Variants in LRRC66 observed in about 807,000 individuals in gnomAD.
LRRC66 encodes leucine-rich repeat-containing protein 66.
Under a neutral mutation model 24.6 loss-of-function variants are expected in LRRC66, and 29 were observed. The observed-to-expected ratio is 1.18, with a 90% CI of 0.88 to 1.61. LRRC66 has a LOEUF of 1.61. Among genes scored for constraint, LRRC66 ranks in the 40% most tolerant of loss-of-function variants. The pLI, the probability that LRRC66 is intolerant of heterozygous loss-of-function variation, is 0.00. For synonymous variants in LRRC66, 411 were observed against 397.6 expected (o/e 1.03, Z -0.40); for missense variants, 1,124 against 1,058.0 (o/e 1.06, Z -0.87).
Position 51,995,966 on chromosome 4 carries a change from C to T in LRRC66, c.1056G>A (p.Leu352=). 6.2e-7 allele frequency: 1 copy of T among 1,614,034 alleles called. No homozygotes were observed. The highest frequency in any genetic ancestry group is 2.2e-5 in the East Asian group (1 of 44,826). Residue 352 remains leucine (L), a synonymous_variant, in exon 5 of 5, where the codon CTG becomes CTA. Transcript: ENST00000682860. ...CGCGGGTGCTTCTAACACTCCTTGG[C>T]AGCCGTCTCTGCTTCTTCCTGAGAC... The part of the protein sequence containing the change: ...GSGLRKKQRR[L]PRSVRSTRDV...
At position 51,994,933 on chromosome 4, in the gene LRRC66, A is replaced by C. The variant is rs2110189497; in HGVS notation, c.2089T>G (p.Cys697Gly). The stretch of plus-strand genomic sequence containing the variant: ...GAGTCACAGTCACTCTCCAACTCAC[A>C]GCAAGTGTCAGAAGGAGTGGATTTC... ...VQKSTPSDTC[C>G]ELESDCDSDE... Residue 697 changes from cysteine to glycine, a missense_variant, in exon 5 of 5, where the codon TGT becomes GGT. Cys to Gly is a radical substitution (Grantham distance 159, BLOSUM62 -3). Transcript: ENST00000682860. 6.2e-7 allele frequency: 1 copy of C among 1,614,204 alleles called. No individual in the cohort carries two copies.
chr4:52,008,086 A>G (rs1440719556), intron 2 of LRRC66, among the ~76,000 whole-genome samples: 1 of 152,078 alleles, frequency 6.6e-6, no homozygotes, highest in Non-Finnish European at 1.5e-5. Context: ...TTTTGTAAGT[A>G]CTGACACTAT....
chr4:52,001,312 A>G lies in LRRC66; in HGVS notation c.666+1911T>C, dbSNP rs191003030. On this transcript the variant is annotated intron_variant, in intron 3 of 4. Transcript: ENST00000682860. ...ATATTTTAGCAAAACTGACAGGATT[A>G]ACAGAAGTCGGCTCCAGGCAAAGGA... Among the ~76,000 whole-genome samples, 3 of 152,338 alleles carry G rather than the reference A, an allele frequency of 2.0e-5. No individual in the cohort carries two copies. The East Asian group carries it at 5.8e-4, about 29-fold the overall frequency.
chr4:52,003,461 GAA>G, intron 2 of LRRC66, 69 bp from the exon 3 acceptor site: 1 of 1,360,476 alleles, frequency 7.4e-7, no homozygotes, highest in Non-Finnish European at 1.0e-6. Context: ...TTGTAATGGT[GAA>G]AAATTGGAGA....
intron 2 of LRRC66, among the ~76,000 whole-genome samples, chr4:52,011,576 T>C (rs1182103872): frequency 3.9e-5 from 6 of 152,080 alleles, no homozygotes; most frequent in African/African-American, 9.7e-5. Flanking sequence ...GTGCCTGAAA[T>C]CAAGGAAGTT....
At chr4:52,015,228 T>C (rs1282138809) in intron 2 of LRRC66, among the ~76,000 whole-genome samples, 4 of 152,156 alleles carry the variant, frequency 2.6e-5, no homozygotes, top group African/African-American at 9.7e-5. Flanking sequence ...GGAAGGCATA[T>C]GGCAAGGCAG....
intron 2 of LRRC66, among the ~76,000 whole-genome samples, chr4:52,013,827 T>C (rs1202982485): frequency 3.3e-5 from 5 of 152,260 alleles, no homozygotes; most frequent in African/African-American, 9.6e-5. Flanking sequence ...GGTTGCTTGA[T>C]TGTTGCTTTC....
intron 2 of LRRC66, among the ~76,000 whole-genome samples, chr4:52,014,310 T>C (rs1736764646): frequency 6.6e-6 from 1 of 152,228 alleles, no homozygotes; most frequent in Non-Finnish European, 1.5e-5. Context: ...TATTTGTTTC[T>C]AAATATACTG....
At chr4:52,014,883 T>C (rs983064226) in intron 2 of LRRC66, among the ~76,000 whole-genome samples, 9 of 152,246 alleles carry the variant, frequency 5.9e-5, no homozygotes, top group Non-Finnish European at 1.5e-5. Context: ...GAATTTCAGA[T>C]ACAGAATTTG....
intron 1 of LRRC66, chr4:52,018,539 A>T (rs1206538052): frequency 2.9e-5 from 29 of 985,326 alleles, no homozygotes; most frequent in Non-Finnish European, 3.5e-5. Flanking sequence ...TGCAGTCTGA[A>T]ATACTAAAAT....
intron 2 of LRRC66, among the ~76,000 whole-genome samples, chr4:52,009,905 C>G (rs1287249981): frequency 6.6e-6 from 1 of 152,054 alleles, no homozygotes; most frequent in African/African-American, 2.4e-5. Context: ...AATAATAACC[C>G]AATATTCCTC....
At chr4:52,007,242 A>G (rs1051229624) in intron 2 of LRRC66, among the ~76,000 whole-genome samples, 2 of 152,320 alleles carry the variant, frequency 1.3e-5, no homozygotes, top group African/African-American at 4.8e-5. Context: ...GCAATGGCAC[A>G]ATCATAGCTC....
At chr4:52,011,926 T>C (rs1288940799) in intron 2 of LRRC66, among the ~76,000 whole-genome samples, 1 of 152,208 alleles carries the variant, frequency 6.6e-6, no homozygotes, top group Non-Finnish European at 1.5e-5. Flanking sequence ...GACTGATGCC[T>C]GTAATCCCAG....
At chr4:52,001,346 T>C (rs912605254) in intron 3 of LRRC66, among the ~76,000 whole-genome samples, 1 of 151,814 alleles carries the variant, frequency 6.6e-6, no homozygotes, top group African/African-American at 2.4e-5. Context: ...GATGAGCAAG[T>C]GGGGAGGACT....
Position 51,997,918 on chromosome 4 carries a change from T to C in LRRC66, c.686A>G (p.Asn229Ser), listed in dbSNP as rs779114903. The change falls in exon 4 of 5, where the codon AAT (asparagine) becomes AGT (serine). Residue 229 changes from asparagine to serine, a missense_variant. Transcript: ENST00000682860. ...CATTGGTAGGATGGTAATCAGAGCA[T>C]TGTTGCTAAGGTCTATGACCTGTTT... ...KKLQVIDLSNNALITILPMMI... is the reference protein window; with the variant it reads ...KKLQVIDLSNSALITILPMMI... 18 of 1,613,960 alleles carry C rather than the reference T, an allele frequency of 1.1e-5. No individual in the cohort carries two copies. The highest frequency in any genetic ancestry group is 2.7e-5 in the African/African-American group (2 of 74,936).
Position 51,994,828 on chromosome 4 carries a change from C to A in LRRC66, c.2194G>T (p.Glu732Ter). The change falls in exon 5 of 5, where the codon GAG (glutamate) becomes TAG (stop). Residue 732 changes from glutamate (E) to a stop codon, truncating the protein, a stop_gained. Coordinates refer to ENST00000682860, the MANE Select transcript of LRRC66 (RefSeq NM_001024611.3). LOFTEE classifies it low-confidence loss of function (END_TRUNC). The stretch of plus-strand genomic sequence containing the variant: ...GAGCTCTCGTCCTGCAGGGACTCCT[C>A]ATCAGGCACTGCCTCTTCAGTCTTG... Reference protein sequence around the residue: ...RSKTEEAVPDEESLQDESSGA... With the variant: ...RSKTEEAVPD 1.2e-6 allele frequency: 2 copies of A among 1,614,248 alleles called. No individual in the cohort carries two copies. Among genetic ancestry groups the A allele is most frequent in the Non-Finnish European group, 1.7e-6 (2 of 1,180,042 alleles).
rs747530792 is a variant in LRRC66, at chr4:51,995,578, G to T, written c.1444C>A (p.Pro482Thr). Reference protein sequence around the residue: ...DRTLGRSRKDPGSSQSPGQCG... With the variant: ...DRTLGRSRKDTGSSQSPGQCG... Reference sequence around the variant, plus strand: ...TGTCCTGGGCTCTGCGAACTGCCAGGATCCTTTCTGCTCCTTCCCAGAGTT... The same window carrying T: ...TGTCCTGGGCTCTGCGAACTGCCAGTATCCTTTCTGCTCCTTCCCAGAGTT... The change falls in exon 5 of 5, where the codon CCT (proline) becomes ACT (threonine). Residue 482 changes from proline to threonine, a missense_variant. Coordinates refer to ENST00000682860, the MANE Select transcript of LRRC66 (RefSeq NM_001024611.3). 7.4e-6 allele frequency: 12 copies of T among 1,614,032 alleles called. No individual in the cohort carries two copies. The South Asian group carries it at 1.3e-4, about 18-fold the overall frequency.
rs2110188247 is a variant in LRRC66, at chr4:51,993,760, C to T, written c.*619G>A. ...CAGAACTTTTCCAATTTTGCAGTTT[C>T]ACGATCAGCCTCCAAAAAGTTGTGC... On this transcript the variant is annotated 3_prime_UTR_variant, in exon 5 of 5. Coordinates refer to ENST00000682860, the MANE Select transcript of LRRC66 (RefSeq NM_001024611.3). 1 of 152,286 alleles carries T rather than the reference C, an allele frequency of 6.6e-6. No homozygotes were observed. The highest frequency in any genetic ancestry group is 6.5e-5 in the Admixed American group (1 of 15,294). The allele number at this position is 152,286 out of a possible 1,614,324, so 9.4% of individuals were successfully genotyped here.
At position 52,017,245 on chromosome 4, in the gene LRRC66, G is replaced by A. The variant is rs368504260; in HGVS notation, c.369C>T (p.Ser123=). ...TAGGACTGAGTAGATCCAATGAGAG[G>A]GAGTGGATGGCATTGTTGCTGAGGT... ...VLNLSNNAIH[S]LSLDLLSPKS... The change falls in exon 2 of 5, where the codon TCC becomes TCT. Residue 123 remains serine (S), a synonymous_variant. Transcript: ENST00000682860. The A allele has an allele frequency of 3.5e-5, 57 of 1,614,092 alleles. No homozygotes were observed. Among genetic ancestry groups the A allele is most frequent in the Non-Finnish European group, 4.7e-5 (56 of 1,180,006 alleles).
Sources: allele counts gnomAD v4.1 joint callset (sites outside exome capture counted in the v4.1 genomes callset), GRCh38; gene constraint gnomAD v4.1.1; transcripts MANE v1.5; gene names NCBI Gene and HGNC (gene_info 2026-07-23, HGNC 2026-07-21).